ADCY2: variants seen among roughly 807,000 people sequenced by gnomAD.
ADCY2 encodes adenylate cyclase 2.
In ADCY2, 31 loss-of-function variants were observed where a neutral mutation model predicts 125.2. The ratio of observed to expected loss-of-function variants is 0.25; its 90% CI spans 0.19 to 0.33. ADCY2 has a LOEUF of 0.33. Among genes scored for constraint, ADCY2 ranks in the 10% least tolerant of loss-of-function variants. The pLI is 1.00. For missense variants in ADCY2, 904 were observed against 1,418.2 expected (o/e 0.64, Z 5.82); for synonymous variants, 512 against 548.4 (o/e 0.93, Z 0.93).
At chr5:7,527,557 C>T (rs529284674) in intron 3 of ADCY2, among the ~76,000 whole-genome samples, 1 of 152,126 alleles carries the variant, frequency 6.6e-6, no homozygotes, top group Non-Finnish European at 1.5e-5. Flanking sequence ...TTTACTTAAG[C>T]AAGCCAGTTA....
At chr5:7,569,535 G>T (rs191396406) in intron 3 of ADCY2, among the ~76,000 whole-genome samples, 1 of 152,150 alleles carries the variant, frequency 6.6e-6, no homozygotes, top group Non-Finnish European at 1.5e-5. Context: ...CACAGCTGCT[G>T]CCCTAGAGGT....
At chr5:7,713,379 A>C (rs1429529843) in intron 11 of ADCY2, among the ~76,000 whole-genome samples, 3 of 152,036 alleles carry the variant, frequency 2.0e-5, no homozygotes, top group Non-Finnish European at 4.4e-5. Context: ...CTGTAATCCC[A>C]GCTACTCGGG....
chr5:7,474,625 G>A (rs1187872487), intron 2 of ADCY2, among the ~76,000 whole-genome samples: 1 of 152,238 alleles, frequency 6.6e-6, no homozygotes, highest in Non-Finnish European at 1.5e-5. Context: ...ATGAATAAAA[G>A]GCCACTGAGC....
chr5:7,728,583 C>G (rs1222255113), intron 14 of ADCY2, among the ~76,000 whole-genome samples: 4 of 152,178 alleles, frequency 2.6e-5, no homozygotes, highest in Admixed American at 6.5e-5. Flanking sequence ...AGTGTCAGGC[C>G]TGTACCATGG....
chr5:7,635,834 T>C (rs564071102), intron 4 of ADCY2, among the ~76,000 whole-genome samples: 1 of 152,182 alleles, frequency 6.6e-6, no homozygotes, highest in Non-Finnish European at 1.5e-5. Context: ...TGATTTGTTT[T>C]TTCCTAATTT....
chr5:7,454,963 G>C (rs1460886328), intron 2 of ADCY2, among the ~76,000 whole-genome samples: 2 of 152,024 alleles, frequency 1.3e-5, no homozygotes, highest in African/African-American at 4.8e-5. Flanking sequence ...TGTGCTTTTT[G>C]ATAGTTATTT....
intron 2 of ADCY2, among the ~76,000 whole-genome samples, chr5:7,418,661 T>G (rs1247184387): frequency 7.3e-6 from 1 of 137,218 alleles, no homozygotes; most frequent in Admixed American, 7.1e-5. Context: ...TTTTTTTTTT[T>G]TTTTTTTTTT....
intron 3 of ADCY2, among the ~76,000 whole-genome samples, chr5:7,549,201 G>A (rs1735247143): frequency 6.6e-6 from 1 of 152,192 alleles, no homozygotes; most frequent in Admixed American, 6.5e-5. Context: ...CCCTGTGACT[G>A]ACAGCAGAGC....
At chr5:7,532,316 T>A (rs1328166628) in intron 3 of ADCY2, among the ~76,000 whole-genome samples, 1 of 152,242 alleles carries the variant, frequency 6.6e-6, no homozygotes, top group Non-Finnish European at 1.5e-5. Context: ...TTTCAGTGCA[T>A]ACACTTTTCC....
At chr5:7,409,253 T>G (rs533523839) in intron 1 of ADCY2, among the ~76,000 whole-genome samples, 11 of 151,296 alleles carry the variant, frequency 7.3e-5, no homozygotes, top group African/African-American at 2.4e-4. Flanking sequence ...GTGGGAGGAG[T>G]GAGAGGATCA....
At chr5:7,399,846 C>T in intron 1 of ADCY2, among the ~76,000 whole-genome samples, 2 of 152,156 alleles carry the variant, frequency 1.3e-5, no homozygotes, top group East Asian at 3.8e-4. Flanking sequence ...ATAAAATTGA[C>T]CCCTGGCATC....
At chr5:7,800,253 T>C (rs1307428662) in intron 20 of ADCY2, 1 of 152,196 alleles carries the variant, frequency 6.6e-6, no homozygotes, top group East Asian at 1.9e-4. Context: ...CATCCTACCA[T>C]GTGGTGAGCG....
chr5:7,503,266 C>A (rs191915184), intron 2 of ADCY2, among the ~76,000 whole-genome samples: 1 of 152,272 alleles, frequency 6.6e-6, no homozygotes, highest in East Asian at 1.9e-4. Context: ...TTAACACTCT[C>A]CTCTCAAGAT....
At chr5:7,504,723 G>A (rs1024582412) in intron 2 of ADCY2, among the ~76,000 whole-genome samples, 11 of 150,814 alleles carry the variant, frequency 7.3e-5, no homozygotes, top group Non-Finnish European at 4.4e-5. Context: ...TTCCTAGGCT[G>A]GGCTTGAACT....
chr5:7,698,941 T>C (rs1740983934), intron 7 of ADCY2, among the ~76,000 whole-genome samples: 1 of 152,128 alleles, frequency 6.6e-6, no homozygotes, highest in South Asian at 2.1e-4. Context: ...TTTCTAGTTC[T>C]AGATCCTTGA....
chr5:7,466,283 A>G (rs1175803034), intron 2 of ADCY2, among the ~76,000 whole-genome samples: 1 of 152,078 alleles, frequency 6.6e-6, no homozygotes, highest in Admixed American at 6.5e-5. Flanking sequence ...GGCCTGTGGA[A>G]TATTATTTTT....
At chr5:7,401,974 A>G (rs1739280495) in intron 1 of ADCY2, among the ~76,000 whole-genome samples, 1 of 152,128 alleles carries the variant, frequency 6.6e-6, no homozygotes, top group Non-Finnish European at 1.5e-5. Context: ...TTCTTCCTTC[A>G]TTGAGTATTT....
At chr5:7,795,654 C>T (rs1375184461) in intron 20 of ADCY2, 1 of 152,208 alleles carries the variant, frequency 6.6e-6, no homozygotes, top group African/African-American at 2.4e-5. Flanking sequence ...TGATACTGCT[C>T]TGTGAGTCTT....
chr5:7,490,199 T>G (rs1743108743), intron 2 of ADCY2, among the ~76,000 whole-genome samples: 2 of 152,196 alleles, frequency 1.3e-5, no homozygotes, highest in African/African-American at 4.8e-5. Flanking sequence ...TTATTACAAC[T>G]AGTAGGTGTT....
Sources: allele counts gnomAD v4.1 joint callset (sites outside exome capture counted in the v4.1 genomes callset), GRCh38; gene constraint gnomAD v4.1.1; transcripts MANE v1.5; gene names NCBI Gene and HGNC (gene_info 2026-07-23, HGNC 2026-07-21).